Variants in MINAR1 observed in about 807,000 individuals in gnomAD.
MINAR1 encodes membrane integral NOTCH2 associated receptor 1.
A neutral mutation model predicts 65.1 loss-of-function variants in MINAR1; 40 were observed. The observed-to-expected ratio is 0.61, with a 90% CI of 0.48 to 0.80. The LOEUF (loss-of-function observed/expected upper bound fraction) is 0.80. Ranked by LOEUF, MINAR1 falls within the 30% of genes least tolerant of loss-of-function variation. The pLI, the probability that MINAR1 is intolerant of heterozygous loss-of-function variation, is 0.00. For synonymous variants in MINAR1, 482 were observed against 449.1 expected (o/e 1.07, Z -0.93); for missense variants, 1,128 against 1,148.0 (o/e 0.98, Z 0.25).
rs1252128679 is a variant in MINAR1 at position 79,472,249 on chromosome 15, C to T, written c.*3865C>T. On this transcript the variant is annotated 3_prime_UTR_variant, in exon 4 of 4. Coordinates refer to ENST00000305428, the MANE Select transcript of MINAR1 (RefSeq NM_015206.3). Reference sequence around the variant, plus strand: ...TGTACAATGGTTGGTTTGAAGCTATCATGTAAAATTGGCCTCTCCAAATAT... The same window carrying T: ...TGTACAATGGTTGGTTTGAAGCTATTATGTAAAATTGGCCTCTCCAAATAT... 1.3e-5 allele frequency: 2 copies of T among 152,470 alleles called. No homozygotes were observed. The highest frequency in any genetic ancestry group is 2.9e-5 in the Non-Finnish European group (2 of 67,994). The allele number at this position is 152,470 out of a possible 1,614,324, so 9.4% of individuals were successfully genotyped here. A position where few individuals can be genotyped will look rare whatever the true frequency, so the allele number is the denominator to read the frequency against.
Position 79,468,615 on chromosome 15 carries a change from T to C in MINAR1, c.*231T>C, listed in dbSNP as rs1330004364. On this transcript the variant is annotated 3_prime_UTR_variant, in exon 4 of 4. Transcript: ENST00000305428. The stretch of plus-strand genomic sequence containing the variant: ...CTGACGCATTTTTAGAAGTGCAATA[T>C]CTTTTCCTACCAAAAGAACATCATG... 1.9e-6 allele frequency: 1 copy of C among 537,310 alleles called. No homozygotes were observed. The highest frequency in any genetic ancestry group is 3.3e-6 in the Non-Finnish European group (1 of 303,020). 33.3% of individuals were successfully genotyped at this position (537,310 alleles called of 1,614,324 possible).
upstream of MINAR1, among the ~76,000 whole-genome samples, chr15:79,429,055 G>A (rs181471437): frequency 6.6e-6 from 1 of 152,304 alleles, no homozygotes; most frequent in East Asian, 1.9e-4. Flanking sequence ...GGGGGCACTG[G>A]AGAAAGAGGA....
chr15:79,456,949 A>T lies in MINAR1; in HGVS notation c.802A>T (p.Met268Leu), dbSNP rs1895443380. The T allele has an allele frequency of 1.9e-6, 3 of 1,614,140 alleles. No homozygotes were observed. The highest frequency in any genetic ancestry group is 2.5e-6 in the Non-Finnish European group (3 of 1,180,006). ...CTTCAAAGAGGATTTTCACAATTTG[A>T]TGGCAGTGTCCCCCAGTTTGGTTGG... ...NIFKEDFHNL[M>L]AVSPSLVGPI... The change falls in exon 2 of 4, where the codon ATG (methionine) becomes TTG (leucine). Residue 268 changes from methionine (M) to leucine (L), a missense_variant. Met to Leu is a conservative substitution (Grantham distance 15). Transcript: ENST00000305428.
chr15:79,432,196 C>T (rs1894458873), upstream of MINAR1, among the ~76,000 whole-genome samples: 1 of 151,916 alleles, frequency 6.6e-6, no homozygotes, highest in Non-Finnish European at 1.5e-5. Context: ...GCCGCTGGAG[C>T]GCGGGCGTCA....
At chr15:79,452,558 C>T (rs1275785698) in intron 1 of MINAR1, among the ~76,000 whole-genome samples, 2 of 123,822 alleles carry the variant, frequency 1.6e-5, no homozygotes, top group Non-Finnish European at 3.6e-5. Context: ...GTGGGTGAGT[C>T]TGTGTGTGTG....
chr15:79,437,938 GT>G (rs1814393866), intron 1 of MINAR1, among the ~76,000 whole-genome samples: 1 of 4,672 alleles, frequency 2.1e-4, no homozygotes, highest in African/African-American at 6.0e-4. Context: ...GGATGGGGTG[GT>G]AGTGAGTGTG....
intron 3 of MINAR1, among the ~76,000 whole-genome samples, chr15:79,464,105 A>T (rs892198640): frequency 6.6e-6 from 1 of 152,120 alleles, no homozygotes; most frequent in African/African-American, 2.4e-5. Context: ...GCCTTGCTCT[A>T]AAAGAGGGCT....
chr15:79,443,834 A>G (rs1158208603), intron 1 of MINAR1, among the ~76,000 whole-genome samples: 2 of 151,950 alleles, frequency 1.3e-5, no homozygotes, highest in Admixed American at 1.3e-4. Context: ...TGGGGTGGCA[A>G]TAGGTTTTGA....
the MINAR1 span, chr15:79,414,462 G>A: frequency 0.99 from 150,093 of 152,334 alleles, 73,991 homozygotes; most frequent in Middle Eastern, 1. Flanking sequence ...TGATGTGTCA[G>A]GATATGTGAT....
chr15:79,463,225 G>A lies in MINAR1; in HGVS notation c.2457G>A (p.Glu819=). Residue 819 remains glutamate (E), a synonymous_variant, in exon 3 of 4, where the codon GAG becomes GAA. Coordinates refer to ENST00000305428, the MANE Select transcript of MINAR1 (RefSeq NM_015206.3). The part of the protein sequence containing the change: ...NPLYTDMRLT[E]LAEVKRGQPS... ...TGTACACAGACATGCGGCTGACCGA[G>A]TTGGCCGAGGTGAAGCGGGGCCAAC... The A allele has an allele frequency of 1.2e-6, 2 of 1,614,248 alleles. No individual in the cohort carries two copies. The highest frequency in any genetic ancestry group is 1.7e-6 in the Non-Finnish European group (2 of 1,180,050).
intron 2 of MINAR1, among the ~76,000 whole-genome samples, chr15:79,460,914 C>T (rs72630411): frequency 0.015 from 2,242 of 152,314 alleles, 42 homozygotes; most frequent in East Asian, 0.099. Flanking sequence ...GCACCTATGA[C>T]GGCCAGGCCC....
intron 1 of MINAR1, among the ~76,000 whole-genome samples, chr15:79,454,165 T>C (rs965502459): frequency 2.6e-5 from 4 of 152,182 alleles, no homozygotes; most frequent in Non-Finnish European, 5.9e-5. Context: ...TGGGAAGAAA[T>C]GGGTTTCCTG....
At chr15:79,432,989 T>C (rs748559092) in intron 1 of MINAR1, among the ~76,000 whole-genome samples, 5 of 152,230 alleles carry the variant, frequency 3.3e-5, no homozygotes, top group Non-Finnish European at 7.3e-5. Flanking sequence ...GACCGACCGG[T>C]GCATCCAATT....
In MINAR1 at chr15:79,457,881, G is replaced by A. The variant is rs923042420; in HGVS notation, c.1734G>A (p.Lys578=). 1 of 1,614,096 alleles carries A rather than the reference G, an allele frequency of 6.2e-7. No homozygotes were observed. Among genetic ancestry groups the A allele is most frequent in the African/African-American group, 1.3e-5 (1 of 75,028 alleles). ...GGGTCCCCAACAGCAAGGGAGACAA[G>A]GGCAACCGGCCTGAAAACACCCACC... ...ANGVPNSKGD[K]GNRPENTHHS... is the part of the protein sequence containing the mutation. The change falls in exon 2 of 4, where the codon AAG becomes AAA. Residue 578 remains lysine, a synonymous_variant. Coordinates refer to ENST00000305428, the MANE Select transcript of MINAR1 (RefSeq NM_015206.3).
chr15:79,411,413 C>T, the MINAR1 span: 14 of 702,366 alleles, frequency 2.0e-5, no homozygotes, highest in Non-Finnish European at 3.4e-5. Context: ...TTCAGAGGAG[C>T]TTATTGGAAG....
At chr15:79,465,471 G>A (rs1309139053) in intron 3 of MINAR1, among the ~76,000 whole-genome samples, 1 of 152,030 alleles carries the variant, frequency 6.6e-6, no homozygotes, top group African/African-American at 2.4e-5. Context: ...TGTGTCCCTT[G>A]AAACCTCAGT....
chr15:79,452,739 T>A (rs1895271944), intron 1 of MINAR1, among the ~76,000 whole-genome samples: 1 of 128,810 alleles, frequency 7.8e-6, no homozygotes, highest in Non-Finnish European at 1.7e-5. Context: ...TGTGTGGGTG[T>A]GTGGGGGGGG....
chr15:79,466,112 C>T (rs1895843255), intron 3 of MINAR1, among the ~76,000 whole-genome samples: 1 of 152,164 alleles, frequency 6.6e-6, no homozygotes, highest in Non-Finnish European at 1.5e-5. Context: ...CTTTTCCCCA[C>T]ATTGAGAGTG....
At chr15:79,429,174 A>G (rs1443342662), upstream of MINAR1, among the ~76,000 whole-genome samples, 1 of 152,176 alleles carries the variant, frequency 6.6e-6, no homozygotes, top group Non-Finnish European at 1.5e-5. Context: ...TGGCTGCTGG[A>G]CTATGTTTCA....
Sources: allele counts gnomAD v4.1 joint callset (sites outside exome capture counted in the v4.1 genomes callset), GRCh38; gene constraint gnomAD v4.1.1; transcripts MANE v1.5; gene names NCBI Gene and HGNC (gene_info 2026-07-23, HGNC 2026-07-21).